Variants in MORN1 observed in about 807,000 individuals in gnomAD.
MORN1 encodes MORN repeat-containing protein 1.
A neutral mutation model predicts 61.9 loss-of-function variants in MORN1; 67 were observed. The observed-to-expected ratio is 1.08, with a 90% CI of 0.89 to 1.33. MORN1 has a LOEUF of 1.33. Ranked by LOEUF, MORN1 falls within the 40% of genes most tolerant of loss-of-function variation. The pLI, the probability that MORN1 is intolerant of heterozygous loss-of-function variation, is 0.00. For synonymous variants in MORN1, 301 were observed against 292.0 expected, an observed-to-expected ratio of 1.03 and a Z score of -0.31; for missense variants, 752 against 691.2, an observed-to-expected ratio of 1.09 and a Z score of -0.99.
chr1:2,354,114 A>G (rs1321746011), intron 10 of MORN1, among the ~76,000 whole-genome samples: 2 of 152,034 alleles, frequency 1.3e-5, no homozygotes, highest in Non-Finnish European at 2.9e-5. Context: ...GCGAAACCCC[A>G]TCTCTACTAA....
chr1:2,385,478 C>T, intron 5 of MORN1: 1 of 337,586 alleles, frequency 3.0e-6, no homozygotes, highest in Non-Finnish European at 5.4e-6. Context: ...CCCCCATCCT[C>T]ATTTAGACCT....
In MORN1 at chr1:2,390,517, C is replaced by T. The variant is rs562195774; in HGVS notation, c.77-521G>A. The T allele has an allele frequency of 2.0e-4, 201 of 985,404 alleles. 1 individual carries two copies. In the African/African-American group the frequency reaches 2.1e-3, roughly 10 times the overall value. 61.0% of individuals were successfully genotyped at this position (985,404 alleles called of 1,614,324 possible). A position where few individuals can be genotyped will look rare whatever the true frequency, so the allele number is the denominator to read the frequency against. On this transcript the variant is annotated intron_variant, in intron 1 of 13. Transcript: ENST00000378531. ...CCTCCTAGTTGCTGGGTGTGCCACC[C>T]GCCAACTCCTGCAGTTCCAGGAATG...
At chr1:2,341,705 A>AAAAAAG (rs1557873243) in intron 10 of MORN1, among the ~76,000 whole-genome samples, 16 of 150,564 alleles carry the variant, frequency 1.1e-4, no homozygotes, top group African/African-American at 1.5e-4. Flanking sequence ...AAAAAAAAAA[A>AAAAAAG]AAAAAGAAAA....
intron 8 of MORN1, among the ~76,000 whole-genome samples, chr1:2,369,048 C>A (rs2100330227): frequency 6.8e-6 from 1 of 147,592 alleles, no homozygotes; most frequent in African/African-American, 2.5e-5. Context: ...TAAAGCAAGA[C>A]CCAGTCTCAA....
chr1:2,334,587 TG>T lies in MORN1; in HGVS notation c.1250+1881del, dbSNP rs376927748. ...CCCAACACGACGAGAGGGCCCTGGC[TG>T]TGTGGCCGTGGAGCCGGCAGGAGGC... is the stretch of plus-strand genomic sequence containing the variant. On this transcript the variant is annotated intron_variant, in intron 12 of 13. Coordinates refer to ENST00000378531, the MANE Select transcript of MORN1 (RefSeq NM_024848.3). This position sits in a 1 kb window ranked among gnomAD's most constrained non-coding sequence, Gnocchi z 5.4. Among the ~76,000 whole-genome samples, 5 of 152,178 alleles carry T rather than the reference TG, an allele frequency of 3.3e-5. 1 individual carries two copies. Among genetic ancestry groups the T allele is most frequent in the African/African-American group, 1.2e-4 (5 of 41,488 alleles).
At position 2,389,935 on chromosome 1, in the gene MORN1, C is replaced by T; in HGVS notation, c.138G>A (p.Gly46=). 1 of 1,614,090 alleles carries T rather than the reference C, an allele frequency of 6.2e-7. No homozygotes were observed. The highest frequency in any genetic ancestry group is 8.5e-7 in the Non-Finnish European group (1 of 1,179,952). Residue 46 remains glycine (G), a synonymous_variant, in exon 2 of 14, where the codon GGG becomes GGA. Coordinates refer to ENST00000378531, the MANE Select transcript of MORN1 (RefSeq NM_024848.3). Reference sequence around the variant, plus strand: ...ACAGATGCTTCTCACCGTGCTTCCTCCCTGCTTTCCATTCTCCTTCATATC... The same window carrying T: ...ACAGATGCTTCTCACCGTGCTTCCTTCCTGCTTTCCATTCTCCTTCATATC... ...FFRYEGEWKA[G]RKHGHGKLLF... is the part of the protein sequence containing the mutation.
chr1:2,380,817 A>G (rs1267217998), intron 6 of MORN1, among the ~76,000 whole-genome samples: 1 of 152,156 alleles, frequency 6.6e-6, no homozygotes, highest in Non-Finnish European at 1.5e-5. Flanking sequence ...CGGCCTCCCA[A>G]AGTGCTGAGA....
At chr1:2,335,783 G>A (rs892463148) in intron 12 of MORN1, among the ~76,000 whole-genome samples, 2 of 148,776 alleles carry the variant, frequency 1.3e-5, no homozygotes, top group Middle Eastern at 3.2e-3. Flanking sequence ...GAGGGCTGGT[G>A]GGACGGGTCC....
intron 12 of MORN1, among the ~76,000 whole-genome samples, chr1:2,328,659 G>A (rs749556611): frequency 6.6e-6 from 1 of 152,210 alleles, no homozygotes; most frequent in Admixed American, 6.5e-5. Context: ...CCGCAGATCT[G>A]GGGCCAGCTT....
chr1:2,374,572 G>A lies in MORN1; in HGVS notation c.538-15C>T, dbSNP rs114368316. 6 of 1,573,094 alleles carry A rather than the reference G, an allele frequency of 3.8e-6. No homozygotes were observed. In the African/African-American group the frequency reaches 8.1e-5, roughly 21 times the overall value. The stretch of plus-strand genomic sequence containing the variant: ...TGCCACTGTCCCTGCAGAGAGAAGG[G>A]TGAGGCTCAGGCTGGTGGCTCCCAA... On this transcript the variant is annotated splice_polypyrimidine_tract_variant and intron_variant, in intron 6 of 13. Transcript: ENST00000378531.
At chr1:2,385,937 C>T in intron 4 of MORN1, 40 bp from the exon 5 acceptor site, 1 of 1,553,480 alleles carries the variant, frequency 6.4e-7, no homozygotes, top group Non-Finnish European at 8.9e-7. Flanking sequence ...CTTTGTGCCT[C>T]CTCCTGCATC....
At chr1:2,382,237 A>G (rs1642388692) in intron 6 of MORN1, among the ~76,000 whole-genome samples, 1 of 152,146 alleles carries the variant, frequency 6.6e-6, no homozygotes, top group African/African-American at 2.4e-5. Context: ...CTGGGCCATG[A>G]GACAGGCCCT....
chr1:2,359,252 G>A (rs530292287), intron 8 of MORN1, among the ~76,000 whole-genome samples: 13 of 152,142 alleles, frequency 8.5e-5, no homozygotes, highest in Non-Finnish European at 1.8e-4. Flanking sequence ...CGGGGGGATG[G>A]GCTCCCCCCT....
intron 3 of MORN1, chr1:2,387,878 C>CGACCCCT (rs1642543040): frequency 7.1e-6 from 3 of 423,628 alleles, no homozygotes; most frequent in Non-Finnish European, 1.3e-5. Context: ...GAGAACCCAC[C>CGACCCCT]GACCCCTCTG....
At chr1:2,383,608 G>T (rs138447795) in intron 6 of MORN1, among the ~76,000 whole-genome samples, 1,698 of 152,352 alleles carry the variant, frequency 0.011, 30 homozygotes, top group African/African-American at 0.039. Flanking sequence ...TCTAAGGAAC[G>T]AGGGACTCCT....
chr1:2,346,631 C>T (rs1172960383), intron 10 of MORN1, among the ~76,000 whole-genome samples: 1 of 152,194 alleles, frequency 6.6e-6, no homozygotes, highest in Non-Finnish European at 1.5e-5. Context: ...GGTGATCCAC[C>T]CGCCTTGACC....
intron 10 of MORN1, chr1:2,350,466 G>A (rs1468674351): frequency 6.6e-6 from 1 of 152,258 alleles, no homozygotes; most frequent in Non-Finnish European, 1.5e-5. Flanking sequence ...TTTCTGGAGG[G>A]TTTGTTTCTG....
At chr1:2,380,723 T>TTA (rs1433949563) in intron 6 of MORN1, among the ~76,000 whole-genome samples, 1 of 152,114 alleles carries the variant, frequency 6.6e-6, no homozygotes, top group Non-Finnish European at 1.5e-5. Context: ...TTTGTATTGT[T>TTA]TAAAACTTCT....
rs532119801 is a variant in MORN1 at position 2,374,341 on chromosome 1, A to G, written c.634+120T>C. ...TAAAAGGGGTGGGGTTTTATATTCC[A>G]CTTTGCCCCACCCCTCCCCAGTGTG... On this transcript the variant is annotated intron_variant, in intron 7 of 13. Transcript: ENST00000378531. The G allele has an allele frequency of 6.5e-6, 5 of 774,124 alleles. No homozygotes were observed. The African/African-American group carries it at 6.9e-5, about 11-fold the overall frequency. 48.0% of individuals were successfully genotyped at this position (774,124 alleles called of 1,614,324 possible).
Sources: allele counts gnomAD v4.1 joint callset (sites outside exome capture counted in the v4.1 genomes callset), GRCh38; gene constraint gnomAD v4.1.1; non-coding constraint Gnocchi (gnomAD v3.1); transcripts MANE v1.5; gene names NCBI Gene and HGNC (gene_info 2026-07-23, HGNC 2026-07-21).